Variants in PKNOX2 observed in about 807,000 individuals in gnomAD.
The protein encoded by PKNOX2 is PBX/knotted 1 homeobox 2, also known as homeobox protein PKNOX2.
A neutral mutation model predicts 53.1 loss-of-function variants in PKNOX2; 14 were observed. The ratio of observed to expected loss-of-function variants is 0.26; its 90% CI spans 0.17 to 0.41. The LOEUF is 0.41. PKNOX2 is among the 10% of genes least tolerant of loss of function. The pLI is 1.00. For missense variants in PKNOX2, 496 were observed against 602.8 expected (o/e 0.82, Z 1.85); for synonymous variants, 257 against 242.8 (o/e 1.06, Z -0.54).
chr11:125,201,536 G>A (rs1286142233), intron 1 of PKNOX2, among the ~76,000 whole-genome samples: 1 of 152,194 alleles, frequency 6.6e-6, no homozygotes, highest in Non-Finnish European at 1.5e-5. Context: ...GTGATTTGCT[G>A]CCTGTGTCCC....
chr11:125,187,664 C>CTT lies in PKNOX2; in HGVS notation c.-201+22898_-201+22899dup, dbSNP rs200048406. On this transcript the variant is annotated intron_variant, in intron 1 of 12. Transcript: ENST00000298282. ...TTTTCAATTTGGATGCCTTTTATTT[C>CTT]TTTTTTTTTTTCCTAATTACTCTGG... is the stretch of plus-strand genomic sequence containing the variant. Among the ~76,000 whole-genome samples, 200 of 146,546 alleles carry CTT rather than the reference C, an allele frequency of 1.4e-3. 1 individual carries two copies. Among genetic ancestry groups the CTT allele is most frequent in the African/African-American group, 4.7e-3 (191 of 40,338 alleles).
intron 5 of PKNOX2, among the ~76,000 whole-genome samples, chr11:125,369,545 C>A (rs1043940660): frequency 1.4e-4 from 22 of 152,124 alleles, no homozygotes; most frequent in African/African-American, 5.3e-4. Context: ...TCTCTCCAGG[C>A]ACCGATAGAC....
chr11:125,174,346 A>G lies in PKNOX2; in HGVS notation c.-201+9570A>G, dbSNP rs567218641. On this transcript the variant is annotated intron_variant, in intron 1 of 12. Transcript: ENST00000298282. ...ACACTCAGTGGCCTCATCCTCTAGG[A>G]GCTACATATTTTTGATGAGGAGACC... Among the ~76,000 whole-genome samples the G allele has an allele frequency of 1.1e-4, 16 of 152,308 alleles. No individual in the cohort carries two copies. In the South Asian group the frequency reaches 3.1e-3, roughly 30 times the overall value.
chr11:125,348,877 G>A (rs1683861144), intron 3 of PKNOX2, among the ~76,000 whole-genome samples: 1 of 152,212 alleles, frequency 6.6e-6, no homozygotes, highest in Non-Finnish European at 1.5e-5. Context: ...TTGCCCCTAA[G>A]AGGGGGAGAA....
At chr11:125,426,038 C>G (rs1359616346) in intron 10 of PKNOX2, among the ~76,000 whole-genome samples, 1 of 152,258 alleles carries the variant, frequency 6.6e-6, no homozygotes, top group Non-Finnish European at 1.5e-5. Context: ...TAGCTCCCCA[C>G]TGGACTGGAG....
At chr11:125,413,784 C>G (rs1309925807) in intron 10 of PKNOX2, among the ~76,000 whole-genome samples, 1 of 152,226 alleles carries the variant, frequency 6.6e-6, no homozygotes, top group East Asian at 1.9e-4. Flanking sequence ...CACCCCCATG[C>G]GTTTTTGAAG....
intron 3 of PKNOX2, among the ~76,000 whole-genome samples, chr11:125,340,603 C>T (rs190875105): frequency 4.6e-5 from 7 of 152,308 alleles, no homozygotes; most frequent in East Asian, 1.9e-4. Context: ...GGCACAGGGA[C>T]GGCTCAGTAA....
chr11:125,352,117 G>A lies in PKNOX2; in HGVS notation c.87+725G>A, dbSNP rs1951358519. On this transcript the variant is annotated intron_variant, in intron 4 of 12. Transcript: ENST00000298282. The surrounding 1 kb of genome is among the most constrained non-coding windows in gnomAD (Gnocchi z 4.1). ...CTGGAAGCCTGCCCAGCTTGTGGGG[G>A]CTGCCCTCCTACATCCTTTAGACCA... 6.6e-6 allele frequency among the ~76,000 whole-genome samples: 1 copy of A among 152,080 alleles called. No individual in the cohort carries two copies. Among genetic ancestry groups the A allele is most frequent in the African/African-American group, 2.4e-5 (1 of 41,418 alleles).
intron 2 of PKNOX2, among the ~76,000 whole-genome samples, chr11:125,253,032 GCA>G (rs1944125872): frequency 1.3e-5 from 2 of 152,200 alleles, no homozygotes; most frequent in Admixed American, 6.5e-5. Flanking sequence ...AGTTGTCATT[GCA>G]CAGTCAAGAA....
chr11:125,304,820 T>C (rs2135975345), intron 2 of PKNOX2, among the ~76,000 whole-genome samples: 1 of 152,292 alleles, frequency 6.6e-6, no homozygotes. Flanking sequence ...ATTACTGTCC[T>C]GGGTATTAGA....
At chr11:125,345,988 T>C (rs1950949623) in intron 3 of PKNOX2, among the ~76,000 whole-genome samples, 1 of 151,940 alleles carries the variant, frequency 6.6e-6, no homozygotes, top group Non-Finnish European at 1.5e-5. Flanking sequence ...GGACGCGGCG[T>C]TGGGGCTGAG....
At chr11:125,175,805 G>T (rs938845046) in intron 1 of PKNOX2, among the ~76,000 whole-genome samples, 3 of 152,206 alleles carry the variant, frequency 2.0e-5, no homozygotes, top group African/African-American at 7.2e-5. Context: ...TACTGTCGGG[G>T]CTGTGGGGAA....
chr11:125,346,310 G>A (rs924167672), intron 3 of PKNOX2, among the ~76,000 whole-genome samples: 1 of 152,112 alleles, frequency 6.6e-6, no homozygotes, highest in East Asian at 1.9e-4. Context: ...TCCGGTGCTG[G>A]CTGGCCTTTA....
chr11:125,373,598 G>A (rs1365380509), intron 5 of PKNOX2, among the ~76,000 whole-genome samples: 1 of 152,254 alleles, frequency 6.6e-6, no homozygotes, highest in East Asian at 1.9e-4. Flanking sequence ...GGATGTATTG[G>A]TGTCAGGCAG....
chr11:125,221,853 T>C (rs1271553062), intron 1 of PKNOX2, among the ~76,000 whole-genome samples: 2 of 152,226 alleles, frequency 1.3e-5, no homozygotes, highest in South Asian at 2.1e-4. Context: ...AAACTTCCTG[T>C]CCCCAAAATG....
intron 2 of PKNOX2, among the ~76,000 whole-genome samples, chr11:125,307,679 T>C (rs920503824): frequency 1.3e-5 from 2 of 152,262 alleles, no homozygotes; most frequent in Non-Finnish European, 2.9e-5. Context: ...CTGTATTCAC[T>C]TTACTCTTTA....
intron 2 of PKNOX2, among the ~76,000 whole-genome samples, chr11:125,320,123 G>A (rs1288650407): frequency 6.6e-6 from 1 of 152,192 alleles, no homozygotes; most frequent in African/African-American, 2.4e-5. Flanking sequence ...GCTGTTTCCT[G>A]TTTCTCATTT....
intron 4 of PKNOX2, among the ~76,000 whole-genome samples, chr11:125,354,117 T>G (rs1951467053): frequency 6.6e-6 from 1 of 152,218 alleles, no homozygotes; most frequent in Non-Finnish European, 1.5e-5. Context: ...TCTGCAAACT[T>G]GCATTGGACC....
intron 1 of PKNOX2, among the ~76,000 whole-genome samples, chr11:125,189,411 A>ATG (rs1956665776): frequency 1.9e-5 from 1 of 52,436 alleles, no homozygotes; most frequent in African/African-American, 9.5e-5. Flanking sequence ...GTGTATATAT[A>ATG]TATGTGTGTG....
Sources: gnomAD v4.1 joint callset for allele counts (sites outside exome capture counted in the v4.1 genomes callset) on GRCh38, gnomAD v4.1.1 for gene constraint, Gnocchi (gnomAD v3.1) non-coding constraint, MANE v1.5 for transcripts, NCBI Gene and HGNC (gene_info 2026-07-23, HGNC 2026-07-21) for gene names.